ZNF737: variants seen among roughly 807,000 people sequenced by gnomAD.
The protein encoded by ZNF737 is zinc finger protein 102 (Y3).
ZNF737 carries 13 observed loss-of-function variants against 11.7 expected under a neutral mutation model. The ratio of observed to expected loss-of-function variants is 1.11; its 90% confidence interval spans 0.73 to 1.77. The LOEUF (loss-of-function observed/expected upper bound fraction) is 1.77, where lower values mean the gene tolerates loss of function less well. ZNF737 is among the 40% of genes most tolerant of loss of function. ZNF737 has a pLI of 0.00. For synonymous variants in ZNF737, 217 were observed against 216.2 expected (o/e 1.00, Z -0.03); for missense variants, 636 against 638.0 (o/e 1.00, Z 0.03).
At position 20,552,692 on chromosome 19, in the gene ZNF737, A is replaced by G. The variant is rs1479514061; in HGVS notation, c.131-122T>C. On this transcript the variant is annotated intron_variant, in intron 2 of 3. Transcript: ENST00000427401. ...TAAATTAATACCAAAATACAAATTT[A>G]TAACAGAAATTTCTAAATATTTAGA... is the stretch of plus-strand genomic sequence containing the variant. 1.3e-5 allele frequency: 8 copies of G among 611,428 alleles called. 1 individual carries two copies. The Middle Eastern group carries it at 1.4e-3, about 108-fold the overall frequency. The allele number at this position is 611,428 out of a possible 1,614,324, so 37.9% of individuals were successfully genotyped here.
rs1555754499 is a variant in ZNF737 at position 20,538,933 on chromosome 19, C to T, written c.*5659G>A. ...AAATTGAGACTACATTTACAATCTTCAGTTTTTCAGTGTTAAAGCAAATCA... is the reference window on the plus strand; with the variant it reads ...AAATTGAGACTACATTTACAATCTTTAGTTTTTCAGTGTTAAAGCAAATCA... On this transcript the variant is annotated 3_prime_UTR_variant, in exon 4 of 4. Transcript: ENST00000427401. 1 of 985,224 alleles carries T rather than the reference C, an allele frequency of 1.0e-6. No homozygotes were observed. Among genetic ancestry groups the T allele is most frequent in the African/African-American group, 1.7e-5 (1 of 57,218 alleles). The allele number at this position is 985,224 out of a possible 1,614,324, so 61.0% of individuals were successfully genotyped here. A position where few individuals can be genotyped will look rare whatever the true frequency, so the allele number is the denominator to read the frequency against.
rs1555756918 is a variant in ZNF737 at position 20,545,857 on chromosome 19, C to A, written c.346G>T (p.Gly116Cys). The A allele has an allele frequency of 6.2e-7, 1 of 1,613,270 alleles. No individual in the cohort carries two copies. ...TTACACTCATCTACACTTTCACAGCCCTTTTTAAACTGTAAATTGTCATGT... is the reference window on the plus strand; with the variant it reads ...TTACACTCATCTACACTTTCACAGCACTTTTTAAACTGTAAATTGTCATGT... ...YGHDNLQFKK[G>C]CESVDECKVH... The change falls in exon 4 of 4, where the codon GGC (glycine) becomes TGC (cysteine). Residue 116 changes from glycine to cysteine, a missense_variant. Transcript: ENST00000427401.
chr19:20,554,862 C>CT (rs35282648), intron 1 of ZNF737, among the ~76,000 whole-genome samples: 175 of 136,972 alleles, frequency 1.3e-3, no homozygotes, highest in Middle Eastern at 3.7e-3. Context: ...ATAAGCATTT[C>CT]TTTTTTTTTT....
chr19:20,558,453 T>C (rs781882786), intron 1 of ZNF737, among the ~76,000 whole-genome samples: 25 of 152,152 alleles, frequency 1.6e-4, no homozygotes, highest in Admixed American at 4.6e-4. Context: ...ATTTATCCAG[T>C]TGCTAGTCTA....
intron 1 of ZNF737, among the ~76,000 whole-genome samples, chr19:20,564,710 T>G (rs1257941747): frequency 1.3e-5 from 2 of 151,948 alleles, no homozygotes; most frequent in East Asian, 3.9e-4. Context: ...AGGCCTTGCT[T>G]GAGACACATG....
At chr19:20,536,284 A>T (rs1205756230), downstream of ZNF737, 1 of 175,640 alleles carries the variant, frequency 5.7e-6, no homozygotes. Flanking sequence ...AATTGTTCTA[A>T]ATAAGAATAT....
intron 1 of ZNF737, among the ~76,000 whole-genome samples, chr19:20,556,905 C>T (rs140733435): frequency 5.3e-5 from 8 of 152,234 alleles, no homozygotes; most frequent in Middle Eastern, 3.4e-3. Flanking sequence ...TCATAACACC[C>T]GGGGAGCTGG....
At chr19:20,531,629 G>T (rs1599384123), downstream of ZNF737, among the ~76,000 whole-genome samples, 2 of 149,474 alleles carry the variant, frequency 1.3e-5, no homozygotes, top group African/African-American at 5.0e-5. Flanking sequence ...CTAATTTCTT[G>T]TATTTTTTAG....
At position 20,542,021 on chromosome 19, in the gene ZNF737, A is replaced by G; in HGVS notation, c.*2571T>C. ...AGTCAAAATTTAATCTATGGGAACA[A>G]TATTTAACTCATTTGCAGTTTAAAG... On this transcript the variant is annotated 3_prime_UTR_variant, in exon 4 of 4. Transcript: ENST00000427401. 1.0e-6 allele frequency: 1 copy of G among 984,482 alleles called. No homozygotes were observed. Among genetic ancestry groups the G allele is most frequent in the African/African-American group, 1.7e-5 (1 of 57,316 alleles). 61.0% of individuals were successfully genotyped at this position (984,482 alleles called of 1,614,324 possible).
chr19:20,537,522 T>TTTC (rs1968024106), downstream of ZNF737, among the ~76,000 whole-genome samples: 1 of 136,700 alleles, frequency 7.3e-6, no homozygotes, highest in African/African-American at 2.8e-5. Context: ...TTTTTTTTTT[T>TTTC]TTTTTTTTTT....
Position 20,544,977 on chromosome 19 carries a change from G to T in ZNF737, c.1226C>A (p.Ser409Tyr). ...CEECGEAFKY[S>Y]SSLTTHKIIH... The stretch of plus-strand genomic sequence containing the variant: ...TATCTTATGTGTAGTAAGGGAAGAG[G>T]AGTACTTAAAGGCTTCGCCACATTC... Residue 409 changes from serine (S) to tyrosine (Y), a missense_variant, in exon 4 of 4, where the codon TCC becomes TAC. By Grantham distance (144) the Ser-to-Tyr change is moderately radical. Coordinates refer to ENST00000427401, the MANE Select transcript of ZNF737 (RefSeq NM_001159293.2). The T allele has an allele frequency of 6.2e-7, 1 of 1,612,888 alleles. No individual in the cohort carries two copies. The highest frequency in any genetic ancestry group is 8.5e-7 in the Non-Finnish European group (1 of 1,179,762).
intron 1 of ZNF737, among the ~76,000 whole-genome samples, chr19:20,559,123 A>G (rs142853493): frequency 6.6e-6 from 1 of 152,336 alleles, no homozygotes; most frequent in African/African-American, 2.4e-5. Context: ...GAAACTGGCA[A>G]AGAATTCATG....
At position 20,540,760 on chromosome 19, in the gene ZNF737, G is replaced by GAAA; in HGVS notation, c.*3829_*3831dup. ...GAAGACAGAGCAACACTCCATCATGGAAAAAAAAAAAGAGTCTTTCTGCTG... is the reference window on the plus strand; with the variant it reads ...GAAGACAGAGCAACACTCCATCATGGAAAAAAAAAAAAAAGAGTCTTTCTGCTG... On this transcript the variant is annotated 3_prime_UTR_variant, in exon 4 of 4. Transcript: ENST00000427401. 1.4e-6 allele frequency: 1 copy of GAAA among 705,516 alleles called. No individual in the cohort carries two copies. Among genetic ancestry groups the GAAA allele is most frequent in the Non-Finnish European group, 1.7e-6 (1 of 581,262 alleles). 43.7% of individuals were successfully genotyped at this position (705,516 alleles called of 1,614,324 possible).
chr19:20,552,689 T>C, intron 2 of ZNF737, 119 bp from the exon 3 acceptor site: 1 of 626,216 alleles, frequency 1.6e-6, no homozygotes, highest in Non-Finnish European at 2.4e-6. Context: ...AAAATACAAA[T>C]TTATAACAGA....
At chr19:20,552,933 A>G (rs1028684249) in intron 2 of ZNF737, among the ~76,000 whole-genome samples, 1 of 151,452 alleles carries the variant, frequency 6.6e-6, no homozygotes, top group Non-Finnish European at 1.5e-5. Context: ...AATTGCTTCA[A>G]CCTGGGAGGT....
chr19:20,559,527 G>C (rs1969005113), intron 1 of ZNF737, among the ~76,000 whole-genome samples: 1 of 151,798 alleles, frequency 6.6e-6, no homozygotes, highest in Admixed American at 6.6e-5. Context: ...GAAATTAAAA[G>C]AAAAACAACA....
rs1968174263 is a variant in ZNF737, at chr19:20,540,857, C to T, written c.*3735G>A. 4.2e-6 allele frequency: 4 copies of T among 944,030 alleles called. No individual in the cohort carries two copies. The highest frequency in any genetic ancestry group is 9.8e-5 in the South Asian group (2 of 20,376). 58.5% of individuals were successfully genotyped at this position (944,030 alleles called of 1,614,324 possible). On this transcript the variant is annotated 3_prime_UTR_variant, in exon 4 of 4. Coordinates refer to ENST00000427401, the MANE Select transcript of ZNF737 (RefSeq NM_001159293.2). ...AACTACTTTTTAGTTTTATTCATTACAAATAACTATTTTTCTGGCTTAAAT... is the reference window on the plus strand; with the variant it reads ...AACTACTTTTTAGTTTTATTCATTATAAATAACTATTTTTCTGGCTTAAAT...
At chr19:20,547,054 T>C (rs1411284141) in intron 3 of ZNF737, among the ~76,000 whole-genome samples, 1 of 152,150 alleles carries the variant, frequency 6.6e-6, no homozygotes, top group Non-Finnish European at 1.5e-5. Flanking sequence ...AAATTTTATT[T>C]TTCAAAGTTG....
Position 20,541,333 on chromosome 19 carries a change from T to C in ZNF737, c.*3259A>G, listed in dbSNP as rs1167855275. 1 of 983,430 alleles carries C rather than the reference T, an allele frequency of 1.0e-6. No individual in the cohort carries two copies. The highest frequency in any genetic ancestry group is 1.2e-6 in the Non-Finnish European group (1 of 828,316). The allele number at this position is 983,430 out of a possible 1,614,324, so 60.9% of individuals were successfully genotyped here. On this transcript the variant is annotated 3_prime_UTR_variant, in exon 4 of 4. Coordinates refer to ENST00000427401, the MANE Select transcript of ZNF737 (RefSeq NM_001159293.2). ...TCAGAGTAATATGTGTATATTTAAC[T>C]CTATGTAAATTAAAACTAAAAGTCT...
Sources: gnomAD v4.1 joint callset for allele counts (sites outside exome capture counted in the v4.1 genomes callset) on GRCh38, gnomAD v4.1.1 for gene constraint, MANE v1.5 for transcripts, NCBI Gene and HGNC (gene_info 2026-07-23, HGNC 2026-07-21) for gene names.